Variants in LAMC2 observed in about 807,000 individuals in gnomAD.
LAMC2 encodes the protein laminin subunit gamma 2.
LAMC2 carries 97 observed loss-of-function variants against 140.2 expected under a neutral mutation model. The ratio of observed to expected loss-of-function variants is 0.69; its 90% CI spans 0.59 to 0.82. The LOEUF is 0.82. Ranked by LOEUF, LAMC2 falls within the 40% of genes least tolerant of loss-of-function variation. The probability of loss-of-function intolerance (pLI) is 0.00; values close to 1 mark genes in which losing one functional copy is unlikely to be tolerated. For synonymous variants in LAMC2, 513 were observed against 540.2 expected (o/e 0.95, Z 0.70); for missense variants, 1,402 against 1,476.1 (o/e 0.95, Z 0.82).
the LAMC2 span, chr1:183,251,200 C>T: frequency 6.6e-6 from 1 of 152,202 alleles, no homozygotes; most frequent in Admixed American, 6.5e-5. Flanking sequence ...TCTGGGAACC[C>T]ACTCCCCTAT....
intron 1 of LAMC2, among the ~76,000 whole-genome samples, chr1:183,203,267 C>T (rs930389672): frequency 5.3e-5 from 8 of 152,182 alleles, no homozygotes; most frequent in South Asian, 2.1e-4. Flanking sequence ...CTGCTTCTTA[C>T]GCCCTTTGGG....
In LAMC2 at chr1:183,224,673, T is replaced by TACACACAC. The variant is rs3064952; in HGVS notation, c.954-907_954-900dup. On this transcript the variant is annotated intron_variant, in intron 7 of 22. Transcript: ENST00000264144. Reference sequence around the variant, plus strand: ...TATCCGAGTATACGTGTTCTAATGATACACACACACACACACACACACACA... The same window carrying TACACACAC: ...TATCCGAGTATACGTGTTCTAATGATACACACACACACACACACACACACACACACACA... 8.9e-4 allele frequency among the ~76,000 whole-genome samples: 131 copies of TACACACAC among 147,994 alleles called. 2 individuals are homozygous for TACACACAC. Among genetic ancestry groups the TACACACAC allele is most frequent in the Middle Eastern group, 6.8e-3 (2 of 292 alleles).
At chr1:183,205,131 A>G (rs557888280) in intron 1 of LAMC2, among the ~76,000 whole-genome samples, 17 of 152,236 alleles carry the variant, frequency 1.1e-4, no homozygotes, top group Admixed American at 8.5e-4. Context: ...CCCATGTTCT[A>G]AATAAGAAAG....
chr1:183,222,336 T>C (rs936858260), intron 6 of LAMC2, 125 bp downstream of exon 6: 24 of 980,224 alleles, frequency 2.4e-5, no homozygotes, highest in Non-Finnish European at 3.9e-5. Flanking sequence ...CATCTCCGGG[T>C]AGTGCAACCC....
At chr1:183,239,337 G>A (rs772608178) in intron 19 of LAMC2, 27 bp from the exon 20 acceptor site, 18 of 1,608,112 alleles carry the variant, frequency 1.1e-5, no homozygotes, top group South Asian at 1.1e-4. Flanking sequence ...TCATCTTCAC[G>A]GCAGTTTTTT....
rs1659711593 is a variant in LAMC2 at position 183,228,719 on chromosome 1, T to C, written c.1714+100T>C. On this transcript the variant is annotated intron_variant, in intron 11 of 22. Transcript: ENST00000264144. This position sits in a 1 kb window ranked among gnomAD's most constrained non-coding sequence, Gnocchi z 4.3. Reference sequence around the variant, plus strand: ...GACAATGGCAGTTCATATCATGATGTTACTTTGATTCTCTGACCAAACTGG... The same window carrying C: ...GACAATGGCAGTTCATATCATGATGCTACTTTGATTCTCTGACCAAACTGG... The C allele has an allele frequency of 6.6e-7, 1 of 1,517,748 alleles. No homozygotes were observed. The highest frequency in any genetic ancestry group is 9.0e-7 in the Non-Finnish European group (1 of 1,105,596). The allele number at this position is 1,517,748 out of a possible 1,614,324, so 94.0% of individuals were successfully genotyped here. A position where few individuals can be genotyped will look rare whatever the true frequency, so the allele number is the denominator to read the frequency against.
chr1:183,206,382 G>A (rs762434910), intron 1 of LAMC2, among the ~76,000 whole-genome samples: 2 of 152,170 alleles, frequency 1.3e-5, no homozygotes, highest in African/African-American at 2.4e-5. Context: ...GGTGGCTCAC[G>A]CCTGTAATCC....
chr1:183,216,389 A>T (rs972687869), intron 3 of LAMC2, among the ~76,000 whole-genome samples: 1 of 152,096 alleles, frequency 6.6e-6, no homozygotes, highest in East Asian at 1.9e-4. Context: ...ACCCTCTGTT[A>T]GCTCCGCCTC....
chr1:183,250,650 G>A, the LAMC2 span: 5 of 152,632 alleles, frequency 3.3e-5, no homozygotes, highest in South Asian at 2.1e-4. Flanking sequence ...TTAAAGGAAA[G>A]TGTTGGATCA....
rs2296303 is a variant in LAMC2 at position 183,232,835 on chromosome 1, G to C, written c.2198G>C (p.Ser733Thr). The C allele has an allele frequency of 0.14, 228,937 of 1,613,736 alleles. 17,375 individuals are homozygous for C. The highest frequency in any genetic ancestry group is 0.23 in the African/African-American group (17,394 of 74,930). The change falls in exon 14 of 23, where the codon AGT (serine) becomes ACT (threonine). Residue 733 changes from serine (S) to threonine (T), a missense_variant. Transcript: ENST00000264144. ...ITQMQLSLAE[S>T]EASLGNTNIP... ...CAGATGCAGCTGAGCCTGGCAGAAAGTGAAGCTTCCTTGGGAAACACTGTA... is the reference window on the plus strand; with the variant it reads ...CAGATGCAGCTGAGCCTGGCAGAAACTGAAGCTTCCTTGGGAAACACTGTA...
At chr1:183,224,944 T>A (rs1318786307) in intron 7 of LAMC2, among the ~76,000 whole-genome samples, 1 of 152,218 alleles carries the variant, frequency 6.6e-6, no homozygotes, top group Non-Finnish European at 1.5e-5. Context: ...TCTCTCCCTG[T>A]TGTCTTTGTG....
chr1:183,233,576 TATTG>T (rs1481361312), intron 14 of LAMC2, among the ~76,000 whole-genome samples: 2 of 152,186 alleles, frequency 1.3e-5, no homozygotes, highest in Non-Finnish European at 2.9e-5. Context: ...AAATAATGTG[TATTG>T]ATTGTTTCCT....
intron 4 of LAMC2, among the ~76,000 whole-genome samples, chr1:183,219,608 G>A (rs1659403836): frequency 6.6e-6 from 1 of 151,284 alleles, no homozygotes; most frequent in Non-Finnish European, 1.5e-5. Context: ...CCCTTCTTTT[G>A]TCTTCCCTCC....
intron 4 of LAMC2, among the ~76,000 whole-genome samples, chr1:183,220,270 G>C (rs537546120): frequency 6.6e-6 from 1 of 152,224 alleles, no homozygotes; most frequent in East Asian, 1.9e-4. Context: ...GAGTGTCTTA[G>C]CCATCCTTTT....
intron 1 of LAMC2, among the ~76,000 whole-genome samples, chr1:183,202,771 C>T (rs1558082302): frequency 6.6e-6 from 1 of 152,100 alleles, no homozygotes; most frequent in Non-Finnish European, 1.5e-5. Context: ...CTTGATATTA[C>T]TTATTTATCT....
In LAMC2 at chr1:183,243,692, G is replaced by T; in HGVS notation, c.*292G>T. The T allele has an allele frequency of 2.1e-6, 1 of 468,800 alleles. No homozygotes were observed. The highest frequency in any genetic ancestry group is 3.9e-6 in the Non-Finnish European group (1 of 254,680). The allele number at this position is 468,800 out of a possible 1,614,324, so 29.0% of individuals were successfully genotyped here. A position where few individuals can be genotyped will look rare whatever the true frequency, so the allele number is the denominator to read the frequency against. ...GGAAAGACAAACTGCACAGGCAGAT[G>T]TTTGCCTCATAATAGTCGTAAGTGG... On this transcript the variant is annotated 3_prime_UTR_variant, in exon 23 of 23. Coordinates refer to ENST00000264144, the MANE Select transcript of LAMC2 (RefSeq NM_005562.3).
chr1:183,234,557 C>T (rs1571537154), intron 15 of LAMC2, 111 bp downstream of exon 15: 1 of 882,762 alleles, frequency 1.1e-6, no homozygotes, highest in African/African-American at 1.6e-5. Flanking sequence ...TCTCCAGGCT[C>T]CTTTGCAGCC....
chr1:183,202,305 T>C (rs1658734522), intron 1 of LAMC2, among the ~76,000 whole-genome samples: 1 of 151,930 alleles, frequency 6.6e-6, no homozygotes, highest in Admixed American at 6.6e-5. Context: ...TCATAAAGTC[T>C]GATTGTTCAA....
the LAMC2 span, among the ~76,000 whole-genome samples, chr1:183,255,672 T>C: frequency 6.7e-6 from 1 of 148,578 alleles, no homozygotes; most frequent in African/African-American, 2.6e-5. Context: ...GTTTTTTTTT[T>C]TTTTTTTTTC....
Sources: gnomAD v4.1 joint callset for allele counts (sites outside exome capture counted in the v4.1 genomes callset) on GRCh38, gnomAD v4.1.1 for gene constraint, Gnocchi (gnomAD v3.1) non-coding constraint, MANE v1.5 for transcripts, NCBI Gene and HGNC (gene_info 2026-07-23, HGNC 2026-07-21) for gene names.